The following KRT86 variants were observed in gnomAD, a reference collection of about 807,000 sequenced individuals.
KRT86 encodes keratin 86, also known as keratin, type II cuticular Hb6.
A neutral mutation model predicts 41.2 loss-of-function variants in KRT86; 30 were observed. The ratio of observed to expected loss-of-function variants is 0.73; its 90% CI spans 0.54 to 0.99. The LOEUF is 0.99. Ranked by LOEUF, KRT86 falls within the 50% of genes least tolerant of loss-of-function variation. KRT86 has a pLI of 0.00. For missense variants in KRT86, 561 were observed against 571.4 expected (o/e 0.98, Z 0.19); for synonymous variants, 238 against 238.1 (o/e 1.00, Z 0.00).
At chr12:52,302,842 G>GGC (rs1555187699) in intron 3 of KRT86, among the ~76,000 whole-genome samples, 14 of 20,108 alleles carry the variant, frequency 7.0e-4, no homozygotes, top group African/African-American at 1.3e-3. Context: ...GGTGGGGGGT[G>GGC]GGGGGGGGGT....
At chr12:52,280,576 C>A (rs1937749870) in intron 2 of KRT86, among the ~76,000 whole-genome samples, 1 of 152,154 alleles carries the variant, frequency 6.6e-6, no homozygotes, top group Non-Finnish European at 1.5e-5. Flanking sequence ...ATCCAAAAGG[C>A]CCTCTTCTTG....
At chr12:52,297,906 A>G (rs1938286135) in intron 2 of KRT86, among the ~76,000 whole-genome samples, 1 of 152,340 alleles carries the variant, frequency 6.6e-6, no homozygotes, top group East Asian at 1.9e-4. Context: ...TCAAGTCCAT[A>G]TCCCCCATCC....
chr12:52,288,380 A>C (rs760520398), intron 2 of KRT86: 2 of 1,614,082 alleles, frequency 1.2e-6, no homozygotes, highest in Non-Finnish European at 1.7e-6. Flanking sequence ...CAGCCGCCTC[A>C]GGAAGTCGAT....
intron 2 of KRT86, among the ~76,000 whole-genome samples, chr12:52,298,211 A>G (rs1938291768): frequency 6.6e-6 from 1 of 152,190 alleles, no homozygotes; most frequent in Non-Finnish European, 1.5e-5. Context: ...GCTGGAGCAG[A>G]GATTGAAGGA....
intron 2 of KRT86, 81 bp from the exon 3 acceptor site, chr12:52,301,832 T>C (rs141027796): frequency 0.021 from 34,319 of 1,613,018 alleles, 457 homozygotes; most frequent in Non-Finnish European, 0.025. Context: ...GAGGTGCAAG[T>C]AGTGAACGCC....
chr12:52,286,833 A>G, intron 2 of KRT86: 1 of 1,613,854 alleles, frequency 6.2e-7, no homozygotes, highest in South Asian at 1.1e-5. Context: ...CTGAGGGCAA[A>G]AGAGAAAAAG....
At chr12:52,294,462 A>T (rs1162610170) in intron 2 of KRT86, among the ~76,000 whole-genome samples, 1 of 152,048 alleles carries the variant, frequency 6.6e-6, no homozygotes, top group African/African-American at 2.4e-5. Context: ...AGAGTGAAAA[A>T]ACCTTGTCAT....
chr12:52,280,473 G>A lies in KRT86; in HGVS notation c.-5+4527G>A, dbSNP rs562101642. On this transcript the variant is annotated intron_variant, in intron 2 of 10. Coordinates refer to ENST00000423955, the MANE Select transcript of KRT86 (RefSeq NM_001320198.2). ...ATGTCCCTGGGTGGGGCTGAAGTGC[G>A]TCATTGGCCAGAGGCTTGGGCTTTA... is the stretch of plus-strand genomic sequence containing the variant. Among the ~76,000 whole-genome samples the A allele has an allele frequency of 1.2e-4, 19 of 152,328 alleles. No homozygotes were observed. In the East Asian group the frequency reaches 1.9e-3, roughly 15 times the overall value.
intron 2 of KRT86, among the ~76,000 whole-genome samples, chr12:52,283,446 T>C (rs1165909359): frequency 1.6e-5 from 2 of 123,844 alleles, no homozygotes; most frequent in East Asian, 4.7e-4. Flanking sequence ...TGGTAAGGGA[T>C]GTTAGTAGCC....
rs373705395 is a variant in KRT86 at position 52,286,360 on chromosome 12, G to C, written c.-5+10414G>C. 6.4e-7 allele frequency: 1 copy of C among 1,555,168 alleles called. No homozygotes were observed. Among genetic ancestry groups the C allele is most frequent in the Non-Finnish European group, 8.7e-7 (1 of 1,149,032 alleles). ...CTCCGCAGGTGGTGTTCAATTGGCC[G>C]CAGGGCGCACACAGGCCGGTGCTCA... is the stretch of plus-strand genomic sequence containing the variant. On this transcript the variant is annotated intron_variant, in intron 2 of 10. Transcript: ENST00000423955.
chr12:52,308,548 G>C lies in KRT86; in HGVS notation c.1424G>C (p.Arg475Pro), dbSNP rs756310592. The C allele has an allele frequency of 1.2e-6, 2 of 1,600,684 alleles. No individual in the cohort carries two copies. The highest frequency in any genetic ancestry group is 1.7e-6 in the Non-Finnish European group (2 of 1,179,820). The change falls in exon 11 of 11, where the codon CGG becomes CCG. Residue 475 changes from arginine to proline, a missense_variant. Physicochemically the swap from Arg to Pro is moderately radical, Grantham distance 103. Around this residue, in one of 3 missense-constraint regions of KRT86, gnomAD observed 397 missense variants for 375.9 expected, o/e 1.06. Transcript: ENST00000423955. Reference protein sequence around the residue: ...GTTNACAPSARVGVCGGSCKR... With the variant: ...GTTNACAPSAPVGVCGGSCKR... ...ACTAACGCCTGCGCCCCCTCCGCCC[G>C]GGTTGGCGTCTGCGGCGGCAGCTGT...
In KRT86 at chr12:52,302,032, G is replaced by A. The variant is rs752176981; in HGVS notation, c.116G>A (p.Arg39His). The A allele has an allele frequency of 8.1e-6, 13 of 1,610,148 alleles. No homozygotes were observed. The Admixed American group carries it at 1.7e-4, about 21-fold the overall frequency. ...CCCTACCGTGGCATCTCCTGCTACC[G>A]CGGCCTCACCGGGGGCTTCGGCAGC... Reference protein sequence around the residue: ...AAPYRGISCYRGLTGGFGSHS... With the variant: ...AAPYRGISCYHGLTGGFGSHS... The change falls in exon 3 of 11, where the codon CGC becomes CAC. Residue 39 changes from arginine (R) to histidine (H), a missense_variant. Around this residue, in one of 3 missense-constraint regions of KRT86, gnomAD observed 164 missense variants for 172.5 expected, o/e 0.95. Transcript: ENST00000423955.
intron 6 of KRT86, 88 bp from the exon 7 acceptor site, chr12:52,305,152 G>A (rs543092236): frequency 2.9e-5 from 47 of 1,610,248 alleles, no homozygotes; most frequent in Non-Finnish European, 3.8e-5. Context: ...GCAGGGTTGG[G>A]GACCAGAGAA....
At chr12:52,295,424 G>A (rs557249151) in intron 2 of KRT86, among the ~76,000 whole-genome samples, 85 of 152,270 alleles carry the variant, frequency 5.6e-4, no homozygotes, top group Non-Finnish European at 8.7e-4. Flanking sequence ...GAAGGGATGC[G>A]TTTGTCCCAT....
chr12:52,288,166 A>T, intron 2 of KRT86: 1 of 1,613,950 alleles, frequency 6.2e-7, no homozygotes. Context: ...AGGTGAGGGC[A>T]GTGACTTTAG....
At chr12:52,294,788 C>A (rs193223145) in intron 2 of KRT86, among the ~76,000 whole-genome samples, 134 of 152,214 alleles carry the variant, frequency 8.8e-4, no homozygotes, top group Non-Finnish European at 1.6e-3. Context: ...TTAATTATTC[C>A]TTTGCTTTTC....
chr12:52,285,436 A>T (rs1423562792), intron 2 of KRT86, among the ~76,000 whole-genome samples: 1 of 152,216 alleles, frequency 6.6e-6, no homozygotes, highest in Admixed American at 6.5e-5. Context: ...TCACCTCTTA[A>T]AGAATTCCAA....
intron 2 of KRT86, chr12:52,287,368 C>T (rs749621739): frequency 6.2e-7 from 1 of 1,609,004 alleles, no homozygotes; most frequent in South Asian, 1.1e-5. Context: ...CCCTGGGTCT[C>T]TCTGATGCTC....
In KRT86 at chr12:52,301,935, T is replaced by C; in HGVS notation, c.19T>C (p.Cys7Arg). 1.2e-6 allele frequency: 2 copies of C among 1,613,850 alleles called. No individual in the cohort carries two copies. The highest frequency in any genetic ancestry group is 8.5e-7 in the Non-Finnish European group (1 of 1,179,792). ...AAGCACCATGACTTGTGGATCTTAC[T>C]GTGGTGGCCGCGCCTTCAGCTGCAT... is the stretch of plus-strand genomic sequence containing the variant. MTCGSY[C>R]GGRAFSCISA... The change falls in exon 3 of 11, where the codon TGT (cysteine) becomes CGT (arginine). Residue 7 changes from cysteine (C) to arginine (R), a missense_variant. Around this residue, in one of 3 missense-constraint regions of KRT86, gnomAD observed 164 missense variants for 172.5 expected, o/e 0.95. Transcript: ENST00000423955.
Sources: gnomAD v4.1 joint callset for allele counts (sites outside exome capture counted in the v4.1 genomes callset) on GRCh38, gnomAD v4.1.1 for gene constraint, gnomAD v4.1.1 regional missense constraint, MANE v1.5 for transcripts, NCBI Gene and HGNC (gene_info 2026-07-23, HGNC 2026-07-21) for gene names.